Variants in CADM1 observed in about 807,000 individuals in gnomAD.
The protein encoded by CADM1 is TSLC-1.
Under a neutral mutation model 53.1 loss-of-function variants are expected in CADM1, and 15 were observed. The ratio of observed to expected loss-of-function variants is 0.28; its 90% CI spans 0.19 to 0.44. The LOEUF (loss-of-function observed/expected upper bound fraction) is 0.44. Ranked by LOEUF, CADM1 falls within the 20% of genes least tolerant of loss-of-function variation. The pLI is 1.00. For synonymous variants in CADM1, 281 were observed against 243.0 expected, an observed-to-expected ratio of 1.16 and a Z score of -1.45; for missense variants, 434 against 611.3, an observed-to-expected ratio of 0.71 and a Z score of 3.06.
Position 115,217,968 on chromosome 11 carries a change from T to G in CADM1, c.745A>C (p.Met249Leu). 6.2e-7 allele frequency: 1 copy of G among 1,613,264 alleles called. No homozygotes were observed. Among genetic ancestry groups the G allele is most frequent in the South Asian group, 1.1e-5 (1 of 91,074 alleles). The stretch of plus-strand genomic sequence containing the variant: ...GTTAAGCCTTGTAGAGGATAAGTCA[T>G]CTGAATGTGCACTTGAGGCTTATCT... ...VQYKPQVHIQ[M>L]TYPLQGLTRE... The change falls in exon 6 of 12, where the codon ATG becomes CTG. Residue 249 changes from methionine to leucine, a missense_variant. Physicochemically the swap from Met to Leu is conservative, Grantham distance 15 (BLOSUM62 2). Around this residue, in one of 4 missense-constraint regions of CADM1, gnomAD observed 311 missense variants for 435.1 expected, o/e 0.71. Coordinates refer to ENST00000331581, the MANE Select transcript of CADM1 (RefSeq NM_001301043.2).
chr11:115,367,418 G>A (rs905701800), intron 1 of CADM1, among the ~76,000 whole-genome samples: 2 of 152,250 alleles, frequency 1.3e-5, no homozygotes, highest in Middle Eastern at 3.4e-3. Flanking sequence ...AACCTACAAA[G>A]GATGAACCTA....
intron 1 of CADM1, among the ~76,000 whole-genome samples, chr11:115,354,148 CA>C (rs1300087345): frequency 6.6e-6 from 1 of 151,722 alleles, no homozygotes; most frequent in Non-Finnish European, 1.5e-5. Flanking sequence ...GAAAGAATTT[CA>C]AAAAATTACT....
At chr11:115,189,028 C>T (rs748366940) in intron 10 of CADM1, among the ~76,000 whole-genome samples, 2 of 152,104 alleles carry the variant, frequency 1.3e-5, no homozygotes, top group South Asian at 2.1e-4. Flanking sequence ...TTCATCAAAC[C>T]AGATGCAAAG....
At chr11:115,192,320 T>TA (rs1157162642) in intron 9 of CADM1, among the ~76,000 whole-genome samples, 1 of 152,200 alleles carries the variant, frequency 6.6e-6, no homozygotes, top group Non-Finnish European at 1.5e-5. Flanking sequence ...AGGTGCTGAT[T>TA]AAAAATGGGA....
Position 115,504,193 on chromosome 11 carries a change from C to G in CADM1, c.124+78G>C, listed in dbSNP as rs748884110. 1,286 of 1,545,232 alleles carry G rather than the reference C, an allele frequency of 8.3e-4. 2 individuals carry two copies. The highest frequency in any genetic ancestry group is 1.0e-3 in the Middle Eastern group (6 of 5,976). On this transcript the variant is annotated intron_variant, in intron 1 of 11. Coordinates refer to ENST00000331581, the MANE Select transcript of CADM1 (RefSeq NM_001301043.2). ...AAGTGGGGGGAGGTTGTCATGGAAA[C>G]GTTTCCCCCCTCTGTGGCCAAGGCT... is the stretch of plus-strand genomic sequence containing the variant.
At chr11:115,327,921 A>G (rs984271789) in intron 1 of CADM1, among the ~76,000 whole-genome samples, 3 of 152,078 alleles carry the variant, frequency 2.0e-5, no homozygotes, top group Non-Finnish European at 4.4e-5. Context: ...GGAATGCTAT[A>G]TGGTTCTTTG....
intron 1 of CADM1, among the ~76,000 whole-genome samples, chr11:115,257,056 C>A (rs760454997): frequency 8.1e-4 from 124 of 152,306 alleles, no homozygotes; most frequent in Non-Finnish European, 1.3e-3. Context: ...ATAATTTCTG[C>A]AGAACAAGCA....
chr11:115,389,728 A>G (rs1050689432), intron 1 of CADM1, among the ~76,000 whole-genome samples: 2 of 151,980 alleles, frequency 1.3e-5, no homozygotes, highest in Non-Finnish European at 2.9e-5. Context: ...AACTATCAAT[A>G]TTGGTCATCT....
chr11:115,478,077 T>C (rs1288941042), intron 1 of CADM1, among the ~76,000 whole-genome samples: 18 of 152,234 alleles, frequency 1.2e-4, no homozygotes. Context: ...AAATTCTACA[T>C]TAAAATATTC....
At chr11:115,390,954 C>T (rs1448009016) in intron 1 of CADM1, among the ~76,000 whole-genome samples, 1 of 152,122 alleles carries the variant, frequency 6.6e-6, no homozygotes, top group Admixed American at 6.5e-5. Context: ...TTATGTGAGG[C>T]ACATTCATAA....
Position 115,173,168 on chromosome 11 carries a change from C to T in CADM1, c.*3306G>A, listed in dbSNP as rs10891802. ...TTTTTATGAAAGGAGAGAGAACTTTCAAGGAAGAAGGCAGAATGAATTGTT... is the reference window on the plus strand; with the variant it reads ...TTTTTATGAAAGGAGAGAGAACTTTTAAGGAAGAAGGCAGAATGAATTGTT... On this transcript the variant is annotated 3_prime_UTR_variant, in exon 12 of 12. Transcript: ENST00000331581. 6.6e-6 allele frequency: 1 copy of T among 151,830 alleles called. No individual in the cohort carries two copies. Among genetic ancestry groups the T allele is most frequent in the South Asian group, 2.1e-4 (1 of 4,808 alleles). 9.4% of individuals were successfully genotyped at this position (151,830 alleles called of 1,614,324 possible).
At chr11:115,200,825 G>A (rs983086177) in intron 8 of CADM1, among the ~76,000 whole-genome samples, 3 of 152,174 alleles carry the variant, frequency 2.0e-5, no homozygotes, top group Non-Finnish European at 4.4e-5. Flanking sequence ...AAATACTTAA[G>A]TACAAATGAT....
At position 115,404,344 on chromosome 11, in the gene CADM1, AAAATATATATATATATATATATAT is replaced by A. The variant is rs1432126514; in HGVS notation, c.124+99903_124+99926del. 1.2e-3 allele frequency among the ~76,000 whole-genome samples: 45 copies of A among 38,180 alleles called. 5 individuals carry two copies. The highest frequency in any genetic ancestry group is 5.8e-3 in the South Asian group (7 of 1,202). The allele number at this position is 38,180 out of a possible 152,430, so 25.0% of individuals were successfully genotyped here. On this transcript the variant is annotated intron_variant, in intron 1 of 11. Transcript: ENST00000331581. ...CTGTCTCGGAAAAAAAAAAAAAAAAAAAATATATATATATATATATATATATATATATATATATATATATGGCCC... is the reference window on the plus strand; with the variant it reads ...CTGTCTCGGAAAAAAAAAAAAAAAAAATATATATATATATATATATGGCCC...
At chr11:115,454,967 G>T (rs762034957) in intron 1 of CADM1, among the ~76,000 whole-genome samples, 4 of 152,072 alleles carry the variant, frequency 2.6e-5, no homozygotes, top group Non-Finnish European at 5.9e-5. Context: ...CATAAAATAA[G>T]AACTTTCACC....
At position 115,385,836 on chromosome 11, in the gene CADM1, CAA is replaced by C. The variant is rs575103265; in HGVS notation, c.124+118433_124+118434del. Among the ~76,000 whole-genome samples the C allele has an allele frequency of 2.7e-3, 412 of 152,282 alleles. 5 individuals carry two copies. The highest frequency in any genetic ancestry group is 4.6e-3 in the Non-Finnish European group (315 of 68,014). On this transcript the variant is annotated intron_variant, in intron 1 of 11. Coordinates refer to ENST00000331581, the MANE Select transcript of CADM1 (RefSeq NM_001301043.2). Reference sequence around the variant, plus strand: ...TAAATTTCTAAGTTCTTTGACTTAACAAAAGTCACAACTGACCAGTATAAAAA... The same window carrying C: ...TAAATTTCTAAGTTCTTTGACTTAACAAGTCACAACTGACCAGTATAAAAA...
intron 1 of CADM1, among the ~76,000 whole-genome samples, chr11:115,369,050 A>T (rs1485016765): frequency 1.3e-5 from 2 of 150,012 alleles, no homozygotes; most frequent in African/African-American, 4.9e-5. Flanking sequence ...AAAAAAAAAA[A>T]AAAATTAGGT....
At chr11:115,358,024 A>G (rs1945922921) in intron 1 of CADM1, among the ~76,000 whole-genome samples, 1 of 152,206 alleles carries the variant, frequency 6.6e-6, no homozygotes, top group African/African-American at 2.4e-5. Context: ...AATGCATAAT[A>G]AAGTCCACAT....
chr11:115,479,472 C>A (rs565005459), intron 1 of CADM1, among the ~76,000 whole-genome samples: 4 of 152,128 alleles, frequency 2.6e-5, no homozygotes, highest in Non-Finnish European at 2.9e-5. Context: ...CAGAACCCAA[C>A]CCAAAAAAAC....
chr11:115,441,918 AC>A (rs927516687), intron 1 of CADM1, among the ~76,000 whole-genome samples: 2 of 152,144 alleles, frequency 1.3e-5, no homozygotes, highest in African/African-American at 4.8e-5. Context: ...GCTGATGAGA[AC>A]AATACACATT....
Sources: gnomAD v4.1 joint callset for allele counts (sites outside exome capture counted in the v4.1 genomes callset) on GRCh38, gnomAD v4.1.1 for gene constraint, gnomAD v4.1.1 regional missense constraint, MANE v1.5 for transcripts, NCBI Gene and HGNC (gene_info 2026-07-23, HGNC 2026-07-21) for gene names.